The following POFUT3 variants were observed in gnomAD, a reference collection of about 807,000 sequenced individuals.
POFUT3 encodes GDP-fucose protein O-fucosyltransferase 3.
the POFUT3 span, among the ~76,000 whole-genome samples, chr8:33,322,943 C>CA: frequency 1.4e-5 from 2 of 146,752 alleles, no homozygotes; most frequent in African/African-American, 5.0e-5. Context: ...ATAAGTGGAG[C>CA]TTTTTTTTTT....
chr8:33,446,913 C>T, the POFUT3 span, among the ~76,000 whole-genome samples: 1 of 152,170 alleles, frequency 6.6e-6, no homozygotes, highest in African/African-American at 2.4e-5. Context: ...AGGCTCCCTC[C>T]TGGGTGTGCC....
At chr8:33,325,870 A>G in the POFUT3 span, among the ~76,000 whole-genome samples, 12 of 152,138 alleles carry the variant, frequency 7.9e-5, no homozygotes, top group Admixed American at 7.9e-4. Context: ...AGCCCCCTCC[A>G]TAACTGAGGA....
the POFUT3 span, among the ~76,000 whole-genome samples, chr8:33,382,130 A>C: frequency 6.6e-6 from 1 of 152,076 alleles, no homozygotes; most frequent in Non-Finnish European, 1.5e-5. Context: ...CCATCTGTAC[A>C]AAAATTACAA....
the POFUT3 span, among the ~76,000 whole-genome samples, chr8:33,458,025 C>T: frequency 6.6e-6 from 1 of 152,242 alleles, no homozygotes; most frequent in South Asian, 2.1e-4. Context: ...TACTTTATAA[C>T]GTGACTATAT....
At chr8:33,436,357 C>A in the POFUT3 span, 2,874 of 1,354,542 alleles carry the variant, frequency 2.1e-3, 57 homozygotes, top group African/African-American at 0.036. Context: ...TGTAAGAAGG[C>A]ATCATCTTTC....
chr8:33,377,028 C>T, the POFUT3 span, among the ~76,000 whole-genome samples: 6 of 152,004 alleles, frequency 3.9e-5, no homozygotes, highest in Non-Finnish European at 5.9e-5. Flanking sequence ...GTCAAGAGTT[C>T]GAGACCAGCC....
chr8:33,344,103 G>T, the POFUT3 span, among the ~76,000 whole-genome samples: 1 of 152,144 alleles, frequency 6.6e-6, no homozygotes, highest in African/African-American at 2.4e-5. Flanking sequence ...AGATCCCTAA[G>T]AATGAATAAA....
chr8:33,465,817 C>A, the POFUT3 span, among the ~76,000 whole-genome samples: 1 of 152,102 alleles, frequency 6.6e-6, no homozygotes, highest in African/African-American at 2.4e-5. Flanking sequence ...GTCTAGATAT[C>A]AGCTCACTCA....
At chr8:33,419,316 T>C in the POFUT3 span, among the ~76,000 whole-genome samples, 1 of 152,244 alleles carries the variant, frequency 6.6e-6, no homozygotes, top group Non-Finnish European at 1.5e-5. Flanking sequence ...ACTGGTTTCA[T>C]GGAAGACAAT....
the POFUT3 span, among the ~76,000 whole-genome samples, chr8:33,355,244 A>G: frequency 1.3e-5 from 2 of 152,292 alleles, no homozygotes; most frequent in South Asian, 4.1e-4. Flanking sequence ...CTTCCTTCCT[A>G]AAGAAGGGAA....
the POFUT3 span, among the ~76,000 whole-genome samples, chr8:33,312,277 TAGAGAG>T: frequency 1.1e-3 from 146 of 137,612 alleles, 1 homozygote; most frequent in African/African-American, 3.6e-3. Context: ...AAAAAAGAAA[TAGAGAG>T]AGAGAGAGAG....
chr8:33,401,932 C>CA, the POFUT3 span, among the ~76,000 whole-genome samples: 486 of 152,042 alleles, frequency 3.2e-3, 6 homozygotes, highest in African/African-American at 0.011. Context: ...GAGGCTGAGA[C>CA]ACAAGAATTG....
chr8:33,390,588 G>C, the POFUT3 span, among the ~76,000 whole-genome samples: 1 of 145,934 alleles, frequency 6.9e-6, no homozygotes, highest in African/African-American at 2.5e-5. Flanking sequence ...TGCAAAAGTA[G>C]CCAGAAGAAA....
At chr8:33,453,355 G>A in the POFUT3 span, 2 of 1,614,194 alleles carry the variant, frequency 1.2e-6, no homozygotes, top group Non-Finnish European at 1.7e-6. Flanking sequence ...TGGGGTAGCT[G>A]TCCAATTCCC....
At chr8:33,336,771 G>A in the POFUT3 span, among the ~76,000 whole-genome samples, 3 of 152,144 alleles carry the variant, frequency 2.0e-5, no homozygotes, top group Non-Finnish European at 2.9e-5. Flanking sequence ...AGTGAGAAAG[G>A]AACTGAAGTT....
the POFUT3 span, among the ~76,000 whole-genome samples, chr8:33,433,220 T>C: frequency 2.0e-5 from 3 of 150,922 alleles, no homozygotes; most frequent in Non-Finnish European, 3.0e-5. Flanking sequence ...GGCAACCGAG[T>C]GAGACAGTCT....
chr8:33,329,495 T>C, the POFUT3 span, among the ~76,000 whole-genome samples: 2 of 152,210 alleles, frequency 1.3e-5, no homozygotes, highest in African/African-American at 4.8e-5. Flanking sequence ...TTCTCTTTAT[T>C]CTTCTTATGA....
the POFUT3 span, among the ~76,000 whole-genome samples, chr8:33,457,981 A>C: frequency 7.4e-3 from 1,127 of 152,196 alleles, 12 homozygotes; most frequent in Middle Eastern, 0.017. Context: ...TGTATACCCC[A>C]AAAAAATTCA....
At chr8:33,459,408 G>T in the POFUT3 span, among the ~76,000 whole-genome samples, 2 of 151,916 alleles carry the variant, frequency 1.3e-5, no homozygotes, top group African/African-American at 4.8e-5. Flanking sequence ...TAAGAAGCCA[G>T]GTAGGCAGAT....
Sources: gnomAD v4.1 joint callset for allele counts (sites outside exome capture counted in the v4.1 genomes callset) on GRCh38, gnomAD v4.1.1 for gene constraint, MANE v1.5 for transcripts, NCBI Gene and HGNC (gene_info 2026-07-23, HGNC 2026-07-21) for gene names.